MAP3K8: variants seen among roughly 807,000 people sequenced by gnomAD.
MAP3K8 encodes the protein Ewing sarcoma transformant.
In MAP3K8, 22 loss-of-function variants were observed where a neutral mutation model predicts 45.8. That is an observed-to-expected ratio of 0.48 (90% CI 0.34 to 0.69). The LOEUF (loss-of-function observed/expected upper bound fraction) is 0.69, where lower values mean the gene tolerates loss of function less well. MAP3K8 is among the 30% of genes least tolerant of loss of function. The pLI is 0.01. For missense variants in MAP3K8, 419 were observed against 585.0 expected (o/e 0.72, Z 2.93); for synonymous variants, 223 against 214.3 (o/e 1.04, Z -0.36).
chr10:30,436,807 CT>C (rs11428120), intron 1 of MAP3K8, among the ~76,000 whole-genome samples: 9 of 147,684 alleles, frequency 6.1e-5, no homozygotes, highest in African/African-American at 7.5e-5. Context: ...GTACTGAGAA[CT>C]TTTTTTTTTT....
chr10:30,437,751 C>A (rs1370929997), intron 2 of MAP3K8, among the ~76,000 whole-genome samples: 1 of 152,194 alleles, frequency 6.6e-6, no homozygotes, highest in East Asian at 1.9e-4. Flanking sequence ...AATGAAGCTC[C>A]AGATTGATCA....
chr10:30,458,381 TC>T, intron 7 of MAP3K8, 145 bp downstream of exon 7: 1 of 505,852 alleles, frequency 2.0e-6, no homozygotes, highest in Non-Finnish European at 3.3e-6. Flanking sequence ...TACAAGTTCT[TC>T]CCATGTAGAA....
chr10:30,459,651 C>A, intron 8 of MAP3K8, 150 bp downstream of exon 8: 1 of 899,050 alleles, frequency 1.1e-6, no homozygotes, highest in Non-Finnish European at 1.6e-6. Context: ...GCAAGATTAG[C>A]AGAAGCATGT....
At chr10:30,443,848 T>C (rs1836206976) in intron 3 of MAP3K8, among the ~76,000 whole-genome samples, 1 of 152,180 alleles carries the variant, frequency 6.6e-6, no homozygotes, top group African/African-American at 2.4e-5. Flanking sequence ...CAGGTGATTT[T>C]GGTAAGTTGA....
chr10:30,447,385 CT>C (rs1237145195), intron 3 of MAP3K8, among the ~76,000 whole-genome samples: 1 of 152,190 alleles, frequency 6.6e-6, no homozygotes, highest in Non-Finnish European at 1.5e-5. Context: ...TGAGTAATAG[CT>C]ATGTGGACTA....
intron 1 of MAP3K8, among the ~76,000 whole-genome samples, chr10:30,436,873 CCT>C (rs1835929545): frequency 6.6e-6 from 1 of 151,626 alleles, no homozygotes; most frequent in Non-Finnish European, 1.5e-5. Context: ...CCTTTCAACC[CCT>C]GAGGCCCTAA....
At chr10:30,457,083 C>T (rs934761384) in intron 6 of MAP3K8, among the ~76,000 whole-genome samples, 2 of 147,420 alleles carry the variant, frequency 1.4e-5, no homozygotes, top group African/African-American at 2.5e-5. Flanking sequence ...GACCCCATCT[C>T]GAAAAAAAAA....
intron 6 of MAP3K8, among the ~76,000 whole-genome samples, chr10:30,456,733 G>T (rs75757261): frequency 2.6e-5 from 4 of 152,104 alleles, no homozygotes; most frequent in Non-Finnish European, 4.4e-5. Flanking sequence ...AAGATGGGGG[G>T]TCTCCATCTT....
chr10:30,459,381 C>T lies in MAP3K8; in HGVS notation c.1153C>T (p.His385Tyr), dbSNP rs77316331. ...CCCAAGAGCCGCAGACCTACTAAAA[C>T]ATGAGGCCCTGAACCCGCCCAGAGA... ...HRPRAADLLK[H>Y]EALNPPREDQ... is the part of the protein sequence containing the mutation. The change falls in exon 8 of 9, where the codon CAT becomes TAT. Residue 385 changes from histidine to tyrosine, a missense_variant. Transcript: ENST00000263056. 1.3e-5 allele frequency: 21 copies of T among 1,614,198 alleles called. No homozygotes were observed. The East Asian group carries it at 4.5e-4, about 34-fold the overall frequency.
At chr10:30,457,958 C>T (rs1836795436) in intron 6 of MAP3K8, 126 bp from the exon 7 acceptor site, 1 of 762,162 alleles carries the variant, frequency 1.3e-6, no homozygotes, top group South Asian at 2.8e-5. Context: ...TGCATGGTTC[C>T]TGGGGAATGC....
At chr10:30,454,138 C>T (rs1836652792) in intron 6 of MAP3K8, among the ~76,000 whole-genome samples, 1 of 152,116 alleles carries the variant, frequency 6.6e-6, no homozygotes, top group African/African-American at 2.4e-5. Context: ...CTGCCTGAGC[C>T]ACTCAGCCCC....
intron 1 of MAP3K8, 177 bp downstream of exon 1, chr10:30,434,555 G>A: frequency 1.0e-6 from 1 of 985,774 alleles, no homozygotes; most frequent in Non-Finnish European, 1.2e-6. Context: ...ACCAGGCACA[G>A]CTGGAAAGCA....
intron 6 of MAP3K8, among the ~76,000 whole-genome samples, chr10:30,454,259 C>T (rs543076257): frequency 2.6e-4 from 40 of 152,246 alleles, no homozygotes; most frequent in African/African-American, 9.1e-4. Flanking sequence ...GATGACAACC[C>T]TTAGTCTAGT....
At chr10:30,451,823 C>T (rs944056598) in intron 6 of MAP3K8, 79 bp downstream of exon 6, 33 of 790,502 alleles carry the variant, frequency 4.2e-5, no homozygotes, top group South Asian at 1.3e-4. Flanking sequence ...ATTGTGGGAA[C>T]GAAGGACAAA....
chr10:30,439,373 G>T, intron 3 of MAP3K8, 99 bp downstream of exon 3: 1 of 1,504,480 alleles, frequency 6.6e-7, no homozygotes, highest in Non-Finnish European at 8.9e-7. Context: ...TAGATGGGCT[G>T]GCAGGCATGA....
intron 1 of MAP3K8, among the ~76,000 whole-genome samples, chr10:30,436,831 CTGTT>C (rs1835926794): frequency 6.8e-6 from 1 of 147,494 alleles, no homozygotes; most frequent in Non-Finnish European, 1.5e-5. Flanking sequence ...GTCAAATCAT[CTGTT>C]TGATAAATAA....
At chr10:30,450,688 C>T in intron 5 of MAP3K8, 169 bp downstream of exon 5, 2 of 618,056 alleles carry the variant, frequency 3.2e-6, no homozygotes, top group South Asian at 3.9e-5. Context: ...TGCGGGGTTA[C>T]TAGAGCTTTC....
At chr10:30,447,162 A>G (rs1049198333) in intron 3 of MAP3K8, among the ~76,000 whole-genome samples, 1 of 152,238 alleles carries the variant, frequency 6.6e-6, no homozygotes, top group Admixed American at 6.5e-5. Context: ...CTGCCTCCGC[A>G]GCACCAAACA....
rs1467052937 is a variant in MAP3K8, at chr10:30,455,680, C to A, written c.874-2404C>A. The stretch of plus-strand genomic sequence containing the variant: ...AGTTAACATATAGTCATCACATGCA[C>A]ATATACGCACACACACGGTCTCTTT... On this transcript the variant is annotated intron_variant, in intron 6 of 8. Transcript: ENST00000263056. 3.3e-5 allele frequency among the ~76,000 whole-genome samples: 5 copies of A among 152,174 alleles called. No individual in the cohort carries two copies. In the East Asian group the frequency reaches 9.6e-4, roughly 29 times the overall value.
Sources: gnomAD v4.1 joint callset for allele counts (sites outside exome capture counted in the v4.1 genomes callset) on GRCh38, gnomAD v4.1.1 for gene constraint, MANE v1.5 for transcripts, NCBI Gene and HGNC (gene_info 2026-07-23, HGNC 2026-07-21) for gene names.